The following CCSER1 variants were observed in gnomAD, a reference collection of about 807,000 sequenced individuals.
The protein encoded by CCSER1 is coiled-coil serine rich protein 1, also known as serine-rich coiled-coil domain-containing protein 1.
In CCSER1, 41 loss-of-function variants were observed where a neutral mutation model predicts 82.0. That is an observed-to-expected ratio of 0.50 (90% CI 0.39 to 0.65). The LOEUF (loss-of-function observed/expected upper bound fraction) is 0.65, where lower values mean the gene tolerates loss of function less well. CCSER1 is among the 30% of genes least tolerant of loss of function. CCSER1 has a pLI of 0.00. For missense variants in CCSER1, 1,119 were observed against 1,064.2 expected (o/e 1.05, Z -0.72); for synonymous variants, 414 against 383.9 (o/e 1.08, Z -0.92).
At chr4:90,629,467 T>A (rs1248661804) in intron 6 of CCSER1, among the ~76,000 whole-genome samples, 1 of 152,150 alleles carries the variant, frequency 6.6e-6, no homozygotes, top group Non-Finnish European at 1.5e-5. Flanking sequence ...GCAGGGAAAC[T>A]CTTATTTATG....
At chr4:91,150,311 A>G (rs1177132429) in intron 10 of CCSER1, among the ~76,000 whole-genome samples, 1 of 152,106 alleles carries the variant, frequency 6.6e-6, no homozygotes, top group Non-Finnish European at 1.5e-5. Flanking sequence ...AATGCCTGTG[A>G]TTTTTGCACA....
At chr4:91,352,567 A>G (rs772877021) in intron 10 of CCSER1, among the ~76,000 whole-genome samples, 5 of 152,204 alleles carry the variant, frequency 3.3e-5, no homozygotes, top group Non-Finnish European at 5.9e-5. Flanking sequence ...GAAAAAGCAC[A>G]CAGAATAATG....
chr4:91,328,600 A>T (rs1287517318), intron 10 of CCSER1, among the ~76,000 whole-genome samples: 1 of 152,156 alleles, frequency 6.6e-6, no homozygotes, highest in Non-Finnish European at 1.5e-5. Context: ...TGGATTTTAG[A>T]TTTCAGTAAA....
At chr4:90,811,214 A>G (rs574645383) in intron 7 of CCSER1, among the ~76,000 whole-genome samples, 1 of 152,300 alleles carries the variant, frequency 6.6e-6, no homozygotes, top group South Asian at 2.1e-4. Flanking sequence ...AGAAGGCAAT[A>G]AAATCCAGAA....
intron 8 of CCSER1, among the ~76,000 whole-genome samples, chr4:90,819,590 T>C (rs1759474400): frequency 6.6e-6 from 1 of 152,188 alleles, no homozygotes; most frequent in South Asian, 2.1e-4. Flanking sequence ...AAAATAATAA[T>C]TTCGATTTAG....
intron 9 of CCSER1, among the ~76,000 whole-genome samples, chr4:91,018,759 T>C (rs1409941542): frequency 6.6e-6 from 1 of 151,942 alleles, no homozygotes; most frequent in African/African-American, 2.4e-5. Context: ...TACTTCCTAA[T>C]CTTTATTTTC....
intron 1 of CCSER1, among the ~76,000 whole-genome samples, chr4:90,169,389 G>T (rs976293972): frequency 6.6e-6 from 1 of 151,976 alleles, no homozygotes; most frequent in Non-Finnish European, 1.5e-5. Context: ...GAGACGATGG[G>T]GTTTTCTAGG....
chr4:90,271,839 TATATATATATATATATA>T (rs1726362659), intron 1 of CCSER1, among the ~76,000 whole-genome samples: 1 of 20,652 alleles, frequency 4.8e-5, no homozygotes, highest in Admixed American at 4.3e-4. Context: ...TATATATATA[TATATATATATATATATA>T]TATATATTTT....
intron 5 of CCSER1, among the ~76,000 whole-genome samples, chr4:90,561,341 A>G (rs1326866200): frequency 6.6e-6 from 1 of 152,210 alleles, no homozygotes; most frequent in Non-Finnish European, 1.5e-5. Flanking sequence ...TCATTGGTTT[A>G]TGGATCCAGG....
At chr4:90,884,557 C>G (rs1045440830) in intron 8 of CCSER1, among the ~76,000 whole-genome samples, 2 of 152,036 alleles carry the variant, frequency 1.3e-5, no homozygotes, top group Admixed American at 1.3e-4. Context: ...ATACAGAAGA[C>G]TTGAAAAATG....
chr4:91,368,345 G>T (rs140851531), intron 10 of CCSER1, among the ~76,000 whole-genome samples: 179 of 152,112 alleles, frequency 1.2e-3, no homozygotes, highest in Non-Finnish European at 2.2e-3. Context: ...CTTAATAATA[G>T]TTATATGCCC....
intron 7 of CCSER1, among the ~76,000 whole-genome samples, chr4:90,788,377 A>G (rs1441925310): frequency 6.6e-6 from 1 of 152,180 alleles, no homozygotes; most frequent in African/African-American, 2.4e-5. Context: ...GGCTTAGACA[A>G]TGGAAATCTA....
At chr4:90,605,027 C>T (rs1308946821) in intron 5 of CCSER1, among the ~76,000 whole-genome samples, 1 of 152,114 alleles carries the variant, frequency 6.6e-6, no homozygotes, top group African/African-American at 2.4e-5. Context: ...GAGGTTTGTT[C>T]TTTGGCTGTT....
chr4:91,435,980 G>C (rs892920310), intron 10 of CCSER1, among the ~76,000 whole-genome samples: 2 of 152,174 alleles, frequency 1.3e-5, no homozygotes. Flanking sequence ...TGGATTAGCT[G>C]TATTTGAGCA....
At chr4:90,433,263 G>A (rs185379994) in intron 4 of CCSER1, among the ~76,000 whole-genome samples, 231 of 152,156 alleles carry the variant, frequency 1.5e-3, no homozygotes, top group Non-Finnish European at 2.3e-3. Context: ...TCTTTCAGTT[G>A]CTAAGTGTTC....
At chr4:91,095,047 GT>G (rs1581540490) in intron 10 of CCSER1, among the ~76,000 whole-genome samples, 1 of 152,086 alleles carries the variant, frequency 6.6e-6, no homozygotes, top group East Asian at 1.9e-4. Context: ...TATATCAATG[GT>G]TTTTTTGATA....
chr4:90,856,693 A>C (rs928037751), intron 8 of CCSER1, among the ~76,000 whole-genome samples: 1 of 152,288 alleles, frequency 6.6e-6, no homozygotes, highest in Admixed American at 6.5e-5. Context: ...TTGTGACTTT[A>C]GGAAATTTGC....
intron 7 of CCSER1, among the ~76,000 whole-genome samples, chr4:90,755,280 G>GT (rs1312369367): frequency 2.6e-5 from 4 of 152,196 alleles, no homozygotes; most frequent in South Asian, 2.1e-4. Context: ...AGATATATGT[G>GT]TTTTTTGTGG....
intron 10 of CCSER1, among the ~76,000 whole-genome samples, chr4:91,497,722 G>GC (rs1395065685): frequency 6.6e-6 from 1 of 151,678 alleles, no homozygotes; most frequent in Non-Finnish European, 1.5e-5. Flanking sequence ...GTTTGACTTT[G>GC]TTTTTTAAAA....
Sources: gnomAD v4.1 joint callset for allele counts (sites outside exome capture counted in the v4.1 genomes callset) on GRCh38, gnomAD v4.1.1 for gene constraint, MANE v1.5 for transcripts, NCBI Gene and HGNC (gene_info 2026-07-23, HGNC 2026-07-21) for gene names.